The following FBN1 variants were observed in gnomAD, a reference collection of about 807,000 sequenced individuals.
The protein encoded by FBN1 is fibrillin-1.
In FBN1, 29 loss-of-function variants were observed where a neutral mutation model predicts 365.1. That is an observed-to-expected ratio of 0.08 (90% CI 0.06 to 0.11). The LOEUF is 0.11. FBN1 is among the 10% of genes least tolerant of loss of function. FBN1 has a pLI of 1.00. For synonymous variants in FBN1, 1,210 were observed against 1,270.5 expected (o/e 0.95, Z 1.01); for missense variants, 2,476 against 3,703.2 (o/e 0.67, Z 8.60).
At chr15:48,574,597 T>C (rs1426239547) in intron 6 of FBN1, among the ~76,000 whole-genome samples, 1 of 152,112 alleles carries the variant, frequency 6.6e-6, no homozygotes, top group African/African-American at 2.4e-5. Flanking sequence ...GCACCTACTT[T>C]GTACAGGCAC....
chr15:48,460,396 G>C, intron 42 of FBN1, 79 bp from the exon 43 acceptor site: 4 of 879,032 alleles, frequency 4.6e-6, no homozygotes, highest in South Asian at 2.7e-5. Context: ...AAATTATTTT[G>C]TAAGCATTCT....
chr15:48,557,636 A>G (rs991098694), intron 6 of FBN1, among the ~76,000 whole-genome samples: 1 of 152,194 alleles, frequency 6.6e-6, no homozygotes, highest in African/African-American at 2.4e-5. Context: ...CCAAGTATTC[A>G]TTGAGAAGGC....
At chr15:48,413,012 A>G (rs986877540) in intron 64 of FBN1, among the ~76,000 whole-genome samples, 1 of 152,218 alleles carries the variant, frequency 6.6e-6, no homozygotes, top group Non-Finnish European at 1.5e-5. Context: ...CCTAACATGG[A>G]AAGCATTTTG....
intron 63 of FBN1, among the ~76,000 whole-genome samples, chr15:48,419,408 A>C (rs1314206828): frequency 1.3e-5 from 2 of 152,178 alleles, no homozygotes; most frequent in Non-Finnish European, 1.5e-5. Context: ...AATGACCTAA[A>C]TAATGAGAAC....
intron 56 of FBN1, among the ~76,000 whole-genome samples, chr15:48,428,816 T>C (rs76458997): frequency 0.018 from 2,675 of 152,308 alleles, 51 homozygotes; most frequent in East Asian, 0.082. Context: ...CTTTCCTATA[T>C]AGTTTGTAAA....
intron 2 of FBN1, among the ~76,000 whole-genome samples, chr15:48,637,435 G>A (rs1461118230): frequency 1.3e-5 from 2 of 152,226 alleles, no homozygotes; most frequent in African/African-American, 4.8e-5. Flanking sequence ...ATTGCTCAAG[G>A]TTGCAAACTG....
chr15:48,424,266 A>G (rs149521496), intron 60 of FBN1, among the ~76,000 whole-genome samples: 1 of 152,344 alleles, frequency 6.6e-6, no homozygotes, highest in East Asian at 1.9e-4. Flanking sequence ...TGTGCTGCAC[A>G]GGAAGGCCTC....
At chr15:48,452,031 T>A (rs1429960405) in intron 45 of FBN1, among the ~76,000 whole-genome samples, 2 of 152,222 alleles carry the variant, frequency 1.3e-5, no homozygotes, top group African/African-American at 4.8e-5. Flanking sequence ...CTTCAGTGAG[T>A]GACCCTTTCC....
intron 2 of FBN1, among the ~76,000 whole-genome samples, chr15:48,624,431 T>G (rs1597640392): frequency 6.6e-6 from 1 of 152,262 alleles, no homozygotes; most frequent in East Asian, 1.9e-4. Flanking sequence ...GTATCTGGCC[T>G]ACTGGCGTCA....
Position 48,489,954 on chromosome 15 carries a change from G to A in FBN1, c.2979C>T (p.Cys993=), listed in dbSNP as rs150126098. The A allele has an allele frequency of 2.0e-5, 32 of 1,614,096 alleles. No homozygotes were observed. Among genetic ancestry groups the A allele is most frequent in the Middle Eastern group, 1.6e-4 (1 of 6,062 alleles). ...SVGAAWGTEE[C]EECPMRNTPE... Reference sequence around the variant, plus strand: ...GAGTATTTCTCATGGGACACTCCTCGCATTCCTCAGTACCCCAGGCTGCCC... The same window carrying A: ...GAGTATTTCTCATGGGACACTCCTCACATTCCTCAGTACCCCAGGCTGCCC... The change falls in exon 25 of 66, where the codon TGC becomes TGT. Residue 993 remains cysteine, a synonymous_variant. Transcript: ENST00000316623.
intron 2 of FBN1, among the ~76,000 whole-genome samples, chr15:48,613,571 G>A (rs937016445): frequency 1.3e-5 from 2 of 151,824 alleles, no homozygotes; most frequent in South Asian, 2.1e-4. Flanking sequence ...TTACAGGAAC[G>A]CAAACTCTGA....
At chr15:48,464,477 T>C (rs2043304487) in intron 40 of FBN1, among the ~76,000 whole-genome samples, 1 of 151,924 alleles carries the variant, frequency 6.6e-6, no homozygotes, top group Non-Finnish European at 1.5e-5. Flanking sequence ...GATCATGCCA[T>C]TGCACTCCAG....
chr15:48,500,030 T>C (rs2043641549), intron 17 of FBN1, among the ~76,000 whole-genome samples: 1 of 152,214 alleles, frequency 6.6e-6, no homozygotes, highest in Admixed American at 6.5e-5. Flanking sequence ...AACCAAAGAT[T>C]ATCATGTCTT....
chr15:48,554,304 G>C (rs1311070765), intron 6 of FBN1, among the ~76,000 whole-genome samples: 1 of 152,104 alleles, frequency 6.6e-6, no homozygotes, highest in South Asian at 2.1e-4. Context: ...TTGCCCTCTT[G>C]CTCCCCAGGA....
chr15:48,485,453 G>A lies in FBN1; in HGVS notation c.3633C>T (p.Phe1211=). 6.2e-7 allele frequency: 1 copy of A among 1,614,192 alleles called. No individual in the cohort carries two copies. Among genetic ancestry groups the A allele is most frequent in the South Asian group, 1.1e-5 (1 of 91,086 alleles). Residue 1211 remains phenylalanine, a synonymous_variant, in exon 30 of 66, where the codon TTC becomes TTT. Transcript: ENST00000316623. ...CATAGCTGCCTTCAGAGTTTGTGCA[G>A]AAGGTTTCACAACCACCATTCATTA... is the stretch of plus-strand genomic sequence containing the variant. ...CSIMNGGCET[F]CTNSEGSYEC...
chr15:48,577,480 A>AG lies in FBN1; in HGVS notation c.538+18802dup, dbSNP rs1375708296. 7.2e-5 allele frequency among the ~76,000 whole-genome samples: 11 copies of AG among 152,232 alleles called. No individual in the cohort carries two copies. The South Asian group carries it at 1.5e-3, about 20-fold the overall frequency. Reference sequence around the variant, plus strand: ...GTTTATAAACCACTGATTAATTCCAAGGGGGGGCATTCAAACATCTACCAC... The same window carrying AG: ...GTTTATAAACCACTGATTAATTCCAAGGGGGGGGCATTCAAACATCTACCAC... On this transcript the variant is annotated intron_variant, in intron 6 of 65. Transcript: ENST00000316623.
chr15:48,602,494 T>G (rs1390841884), intron 4 of FBN1, among the ~76,000 whole-genome samples: 1 of 152,240 alleles, frequency 6.6e-6, no homozygotes, highest in Non-Finnish European at 1.5e-5. Flanking sequence ...TGCTGCCTGA[T>G]GATGACATCA....
chr15:48,487,177 C>A lies in FBN1; in HGVS notation c.3487G>T (p.Ala1163Ser). ...CAACGGCCATTGGGGCACAGGTGTG[C>A]ACTCAGCTCACATTCATTGATGTCT... ...CIDINECELS[A>S]HLCPNGRCVN... Residue 1163 changes from alanine (A) to serine (S), a missense_variant, in exon 29 of 66, where the codon GCA (alanine) becomes TCA (serine). This residue lies in a region of FBN1 where 1,780 missense variants were observed against 2,840.8 expected (regional missense o/e 0.63). Coordinates refer to ENST00000316623, the MANE Select transcript of FBN1 (RefSeq NM_000138.5). 1 of 1,614,186 alleles carries A rather than the reference C, an allele frequency of 6.2e-7. No individual in the cohort carries two copies. The highest frequency in any genetic ancestry group is 8.5e-7 in the Non-Finnish European group (1 of 1,180,022).
intron 17 of FBN1, among the ~76,000 whole-genome samples, chr15:48,500,520 C>A (rs1352294485): frequency 5.9e-5 from 9 of 152,162 alleles, no homozygotes; most frequent in Non-Finnish European, 1.2e-4. Flanking sequence ...ACAGAATTAA[C>A]ATTACATGTT....
Sources: allele counts gnomAD v4.1 joint callset (sites outside exome capture counted in the v4.1 genomes callset), GRCh38; gene constraint gnomAD v4.1.1; regional missense constraint gnomAD v4.1.1; transcripts MANE v1.5; gene names NCBI Gene and HGNC (gene_info 2026-07-23, HGNC 2026-07-21).